The following SVEP1 variants were observed in gnomAD, a reference collection of about 807,000 sequenced individuals.
The protein encoded by SVEP1 is sushi, von Willebrand factor type A, EGF and pentraxin domain containing 1, also known as sushi, von Willebrand factor type A, EGF and pentraxin domain-containing protein 1.
A neutral mutation model predicts 367.3 loss-of-function variants in SVEP1; 164 were observed. That is an observed-to-expected ratio of 0.45 (90% CI 0.39 to 0.51). SVEP1 has a LOEUF of 0.51. SVEP1 is among the 20% of genes least tolerant of loss of function. SVEP1 has a pLI of 0.00. For missense variants in SVEP1, 4,117 were observed against 4,425.3 expected (o/e 0.93, Z 1.98); for synonymous variants, 1,666 against 1,611.6 (o/e 1.03, Z -0.81).
At chr9:110,500,926 C>T (rs1187814194) in intron 6 of SVEP1, among the ~76,000 whole-genome samples, 1 of 151,534 alleles carries the variant, frequency 6.6e-6, no homozygotes, top group Non-Finnish European at 1.5e-5. Context: ...AGAATCATTC[C>T]CTAATTCCAA....
At chr9:110,507,166 T>C (rs1371776880) in intron 5 of SVEP1, among the ~76,000 whole-genome samples, 1 of 152,174 alleles carries the variant, frequency 6.6e-6, no homozygotes, top group Non-Finnish European at 1.5e-5. Flanking sequence ...TACAAAAGAA[T>C]AAAGTTCAGT....
In SVEP1 at chr9:110,499,155, T is replaced by C. The variant is rs747253877; in HGVS notation, c.1567A>G (p.Thr523Ala). The C allele has an allele frequency of 1.2e-5, 20 of 1,613,768 alleles. No individual in the cohort carries two copies. Among genetic ancestry groups the C allele is most frequent in the Non-Finnish European group, 1.5e-5 (18 of 1,179,810 alleles). Reference protein sequence around the residue: ...NCGKQPAKFGTICYVSCRQGF... With the variant: ...NCGKQPAKFGAICYVSCRQGF... ...TGGCGGCAACTTACATAGCAGATCG[T>C]CCCAAATTTGGCTGGCTGCTTGCCA... The change falls in exon 7 of 48, where the codon ACG (threonine) becomes GCG (alanine). Residue 523 changes from threonine (T) to alanine (A), a missense_variant. Physicochemically the swap from Thr to Ala is moderately conservative, Grantham distance 58. Around this residue, in one of 4 missense-constraint regions of SVEP1, gnomAD observed 2,174 missense variants for 2,494.3 expected, o/e 0.87. Coordinates refer to ENST00000374469, the MANE Select transcript of SVEP1 (RefSeq NM_153366.4).
chr9:110,394,677 A>G (rs71599667), intron 40 of SVEP1, among the ~76,000 whole-genome samples: 1 of 152,244 alleles, frequency 6.6e-6, no homozygotes, highest in South Asian at 2.1e-4. Context: ...GGAGCTGAAA[A>G]CCAAGGCACG....
intron 36 of SVEP1, among the ~76,000 whole-genome samples, chr9:110,418,719 A>G (rs1323499850): frequency 3.2e-5 from 1 of 31,622 alleles, no homozygotes; most frequent in African/African-American, 1.3e-4. Flanking sequence ...CCAGAGAGAA[A>G]GGTCGGGTTA....
intron 3 of SVEP1, among the ~76,000 whole-genome samples, chr9:110,528,978 G>A (rs890117104): frequency 1.3e-5 from 2 of 151,834 alleles, no homozygotes; most frequent in Non-Finnish European, 2.9e-5. Context: ...GTTTTTCCTA[G>A]GTTTAGTTGT....
At position 110,411,688 on chromosome 9, in the gene SVEP1, T is replaced by C. The variant is rs1337083634; in HGVS notation, c.6023A>G (p.Lys2008Arg). ...LDTIECLADG[K>R]WSRSDQQCLA... is the part of the protein sequence containing the mutation. ...GCACTGCTGGTCACTTCTACTCCAC[T>C]TGCCGTCGGCCAGGCATTCAATGGT... Residue 2008 changes from lysine (K) to arginine (R), a missense_variant, in exon 37 of 48, where the codon AAG becomes AGG. By Grantham distance (26) the Lys-to-Arg change is conservative. This residue lies in a region of SVEP1 where 2,174 missense variants were observed against 2,494.3 expected (regional missense o/e 0.87). Coordinates refer to ENST00000374469, the MANE Select transcript of SVEP1 (RefSeq NM_153366.4). 6.3e-7 allele frequency: 1 copy of C among 1,598,722 alleles called. No individual in the cohort carries two copies. The highest frequency in any genetic ancestry group is 8.5e-7 in the Non-Finnish European group (1 of 1,172,620).
At chr9:110,423,185 A>AAAAAAAAAAAAAAAAG (rs1828199241) in intron 36 of SVEP1, among the ~76,000 whole-genome samples, 1 of 127,592 alleles carries the variant, frequency 7.8e-6, no homozygotes, top group Non-Finnish European at 1.7e-5. Flanking sequence ...AAAAAAAAAG[A>AAAAAAAAAAAAAAAAG]AAAAAAAAAG....
At chr9:110,548,134 A>G (rs1830242758) in intron 2 of SVEP1, among the ~76,000 whole-genome samples, 1 of 152,130 alleles carries the variant, frequency 6.6e-6, no homozygotes, top group African/African-American at 2.4e-5. Flanking sequence ...CCCTCTTAAC[A>G]TATCACTTTC....
rs1481458658 is a variant in SVEP1 at position 110,390,999 on chromosome 9, AATAATT to A, written c.9823-1418_9823-1413del. ...AATTCTAGACTTCAAATCATTTAAC[AATAATT>A]ATTTCAGTATGAATCTCTAAAAGAT... is the stretch of plus-strand genomic sequence containing the variant. On this transcript the variant is annotated intron_variant, in intron 40 of 47. Coordinates refer to ENST00000374469, the MANE Select transcript of SVEP1 (RefSeq NM_153366.4). Among the ~76,000 whole-genome samples, 165 of 152,182 alleles carry A rather than the reference AATAATT, an allele frequency of 1.1e-3. 3 individuals carry two copies. Among genetic ancestry groups the A allele is most frequent in the Admixed American group, 0.011 (163 of 15,284 alleles).
intron 26 of SVEP1, 28 bp from the exon 27 acceptor site, chr9:110,443,748 T>C (rs766666027): frequency 5.2e-6 from 8 of 1,540,772 alleles, no homozygotes; most frequent in Non-Finnish European, 7.0e-6. Flanking sequence ...CCAGGGAATG[T>C]AGTCATTAGC....
intron 43 of SVEP1, among the ~76,000 whole-genome samples, chr9:110,383,020 G>A (rs1368863827): frequency 3.9e-5 from 6 of 152,284 alleles, no homozygotes; most frequent in Non-Finnish European, 5.9e-5. Context: ...TTAGCTCAGC[G>A]AACTTCATTA....
In SVEP1 at chr9:110,483,106, T is replaced by C. The variant is rs540652581; in HGVS notation, c.2038+480A>G. ...ACTTAAATTAAGAAATTACTTAATT[T>C]GCATTTTTTGTTGTTTTCTGAGTTC... On this transcript the variant is annotated intron_variant, in intron 10 of 47. Coordinates refer to ENST00000374469, the MANE Select transcript of SVEP1 (RefSeq NM_153366.4). Among the ~76,000 whole-genome samples, 174 of 152,348 alleles carry C rather than the reference T, an allele frequency of 1.1e-3. 1 individual carries two copies. Among genetic ancestry groups the C allele is most frequent in the South Asian group, 4.3e-3 (21 of 4,832 alleles).
intron 43 of SVEP1, among the ~76,000 whole-genome samples, chr9:110,385,238 C>T (rs1022607103): frequency 2.0e-5 from 3 of 152,160 alleles, no homozygotes; most frequent in African/African-American, 7.2e-5. Context: ...ACCTCAGCCT[C>T]CCACAGTGCT....
intron 43 of SVEP1, among the ~76,000 whole-genome samples, chr9:110,379,829 CT>C (rs1453623687): frequency 6.6e-6 from 1 of 152,094 alleles, no homozygotes. Flanking sequence ...CTGCAAGAGA[CT>C]TTCAAAACAG....
At chr9:110,570,436 T>C (rs529515028) in intron 1 of SVEP1, among the ~76,000 whole-genome samples, 3 of 151,566 alleles carry the variant, frequency 2.0e-5, no homozygotes, top group Admixed American at 6.6e-5. Flanking sequence ...GCTTCTGACT[T>C]CTGGGAAACT....
intron 3 of SVEP1, among the ~76,000 whole-genome samples, chr9:110,544,374 T>C (rs1437173942): frequency 6.6e-6 from 1 of 151,858 alleles, no homozygotes; most frequent in Non-Finnish European, 1.5e-5. Context: ...AAACAGCTAA[T>C]CATGAAAGAG....
chr9:110,436,931 G>A (rs1828438668), intron 27 of SVEP1, among the ~76,000 whole-genome samples: 1 of 152,036 alleles, frequency 6.6e-6, no homozygotes, highest in South Asian at 2.1e-4. Context: ...CAGGAGTCTC[G>A]TAATTGCCAA....
rs573032777 is a variant in SVEP1 at position 110,388,759 on chromosome 9, G to A, written c.9886+765C>T. On this transcript the variant is annotated intron_variant, in intron 41 of 47. Coordinates refer to ENST00000374469, the MANE Select transcript of SVEP1 (RefSeq NM_153366.4). ...TGAGGAGCATGGATTGCTTGAAGCC[G>A]GGAGTTCGAGACCAGCCAGGCCAAC... 8.5e-5 allele frequency among the ~76,000 whole-genome samples: 13 copies of A among 152,050 alleles called. 1 individual carries two copies. The highest frequency in any genetic ancestry group is 2.1e-4 in the South Asian group (1 of 4,826).
At chr9:110,517,308 A>T (rs1394014348) in intron 3 of SVEP1, among the ~76,000 whole-genome samples, 6 of 151,916 alleles carry the variant, frequency 3.9e-5, no homozygotes, top group Admixed American at 2.6e-4. Flanking sequence ...AAATATTTTT[A>T]AAATTAGGCT....
Sources: allele counts gnomAD v4.1 joint callset (sites outside exome capture counted in the v4.1 genomes callset), GRCh38; gene constraint gnomAD v4.1.1; regional missense constraint gnomAD v4.1.1; transcripts MANE v1.5; gene names NCBI Gene and HGNC (gene_info 2026-07-23, HGNC 2026-07-21).